GALNTL6: variants seen among roughly 807,000 people sequenced by gnomAD.
The protein encoded by GALNTL6 is polypeptide N-acetylgalactosaminyltransferase like 6, also known as polypeptide N-acetylgalactosaminyltransferase-like 6.
In GALNTL6, 46 loss-of-function variants were observed where a neutral mutation model predicts 73.7. The ratio of observed to expected loss-of-function variants is 0.62; its 90% CI spans 0.49 to 0.80. GALNTL6 has a LOEUF of 0.80. Among genes scored for constraint, GALNTL6 ranks in the 30% least tolerant of loss-of-function variants. The pLI, the probability that GALNTL6 is intolerant of heterozygous loss-of-function variation, is 0.00. For missense variants in GALNTL6, 604 were observed against 755.0 expected, an observed-to-expected ratio of 0.80 and a Z score of 2.34; for synonymous variants, 259 against 263.7, an observed-to-expected ratio of 0.98 and a Z score of 0.17.
Position 171,997,050 on chromosome 4 carries a change from A to G in GALNTL6, c.138+182332A>G, listed in dbSNP as rs781045877. ...AATTGGGGCAGGCAACAGAAAGAAC[A>G]TTGTATTTGTCTGCAGAATACTCTT... is the stretch of plus-strand genomic sequence containing the variant. On this transcript the variant is annotated intron_variant, in intron 2 of 12. Transcript: ENST00000506823. Among the ~76,000 whole-genome samples, 11 of 152,234 alleles carry G rather than the reference A, an allele frequency of 7.2e-5. No homozygotes were observed. The South Asian group carries it at 2.3e-3, about 32-fold the overall frequency.
chr4:171,845,302 T>C (rs1291614821), intron 2 of GALNTL6, among the ~76,000 whole-genome samples: 1 of 152,188 alleles, frequency 6.6e-6, no homozygotes, highest in East Asian at 1.9e-4. Flanking sequence ...TAATAACTTC[T>C]AGATCAAAGT....
chr4:172,875,814 C>G (rs1317291862), intron 7 of GALNTL6, among the ~76,000 whole-genome samples: 1 of 151,422 alleles, frequency 6.6e-6, no homozygotes, highest in East Asian at 1.9e-4. Context: ...AACAGAGGGA[C>G]AAAGCATCTT....
In GALNTL6 at chr4:172,650,023, G is replaced by A. The variant is rs575499528; in HGVS notation, c.554-159338G>A. Reference sequence around the variant, plus strand: ...ATCCTAGGTACAGAGGTATTCAGCAGAAGAAAGCTTATGGTAGAAATATCC... The same window carrying A: ...ATCCTAGGTACAGAGGTATTCAGCAAAAGAAAGCTTATGGTAGAAATATCC... On this transcript the variant is annotated intron_variant, in intron 5 of 12. Transcript: ENST00000506823. 2.7e-4 allele frequency among the ~76,000 whole-genome samples: 41 copies of A among 152,302 alleles called. No homozygotes were observed. In the Middle Eastern group the frequency reaches 0.01, roughly 38 times the overall value.
intron 3 of GALNTL6, among the ~76,000 whole-genome samples, chr4:172,269,085 C>T (rs1738548762): frequency 6.6e-6 from 1 of 152,000 alleles, no homozygotes; most frequent in African/African-American, 2.4e-5. Flanking sequence ...CCGCCATGGC[C>T]AGACTTGTTA....
intron 2 of GALNTL6, among the ~76,000 whole-genome samples, chr4:171,826,477 A>T (rs1303100395): frequency 1.3e-5 from 2 of 152,114 alleles, no homozygotes; most frequent in Non-Finnish European, 2.9e-5. Context: ...CTCTCAAAAC[A>T]TCCCTCACAA....
chr4:172,444,405 C>T (rs977121129), intron 5 of GALNTL6, among the ~76,000 whole-genome samples: 17 of 152,054 alleles, frequency 1.1e-4, no homozygotes, highest in African/African-American at 3.6e-4. Flanking sequence ...AAGGTAGGCC[C>T]GTGACTGTGG....
At chr4:172,648,880 A>C (rs1740357938) in intron 5 of GALNTL6, among the ~76,000 whole-genome samples, 1 of 152,270 alleles carries the variant, frequency 6.6e-6, no homozygotes, top group African/African-American at 2.4e-5. Context: ...CCAAAATCTT[A>C]ACTTTTTTCC....
chr4:171,951,390 GT>G (rs1738872671), intron 2 of GALNTL6, among the ~76,000 whole-genome samples: 1 of 151,884 alleles, frequency 6.6e-6, no homozygotes, highest in Admixed American at 6.6e-5. Flanking sequence ...ATGATAAAAT[GT>G]TTTCAATTAT....
chr4:171,968,459 T>G (rs1227434269), intron 2 of GALNTL6, among the ~76,000 whole-genome samples: 4 of 152,208 alleles, frequency 2.6e-5, no homozygotes, highest in African/African-American at 9.6e-5. Flanking sequence ...GTGCTTCTTC[T>G]CTATGTTTGT....
At chr4:172,415,987 A>G (rs1414324650) in intron 5 of GALNTL6, among the ~76,000 whole-genome samples, 3 of 152,100 alleles carry the variant, frequency 2.0e-5, no homozygotes, top group African/African-American at 7.2e-5. Flanking sequence ...TCTTTTCTTT[A>G]ACTCCTACTT....
At chr4:172,957,932 G>A (rs1326494594) in intron 10 of GALNTL6, among the ~76,000 whole-genome samples, 1 of 152,140 alleles carries the variant, frequency 6.6e-6, no homozygotes, top group Non-Finnish European at 1.5e-5. Context: ...TCTGTTCAGG[G>A]TGAGGAACAT....
chr4:172,166,977 C>G (rs887754860), intron 2 of GALNTL6, among the ~76,000 whole-genome samples: 17 of 152,302 alleles, frequency 1.1e-4, no homozygotes, highest in Admixed American at 4.6e-4. Flanking sequence ...GGAATCAGAA[C>G]TCCTGGGTTC....
chr4:172,196,412 T>C lies in GALNTL6; in HGVS notation c.139-33244T>C, dbSNP rs1203013835. ...TTTCTTCTGAAGCTATTGCAAATAA[T>C]TGATTAGGAGGGACTCCTCCCTAAT... On this transcript the variant is annotated intron_variant, in intron 2 of 12. Coordinates refer to ENST00000506823, the MANE Select transcript of GALNTL6 (RefSeq NM_001034845.3). Among the ~76,000 whole-genome samples, 6 of 152,154 alleles carry C rather than the reference T, an allele frequency of 3.9e-5. No individual in the cohort carries two copies. The East Asian group carries it at 9.6e-4, about 24-fold the overall frequency.
intron 2 of GALNTL6, among the ~76,000 whole-genome samples, chr4:172,212,180 T>C (rs1378702406): frequency 6.6e-6 from 1 of 152,076 alleles, no homozygotes; most frequent in African/African-American, 2.4e-5. Context: ...TTTTTTTCTT[T>C]TGACCAAGAC....
intron 5 of GALNTL6, among the ~76,000 whole-genome samples, chr4:172,726,105 C>T (rs1735782096): frequency 8.5e-6 from 1 of 117,066 alleles, no homozygotes; most frequent in Non-Finnish European, 1.8e-5. Flanking sequence ...ATATTCTGCT[C>T]TGCCAGTCCC....
At chr4:172,459,396 T>C (rs1402703843) in intron 5 of GALNTL6, among the ~76,000 whole-genome samples, 2 of 152,184 alleles carry the variant, frequency 1.3e-5, no homozygotes, top group African/African-American at 2.4e-5. Flanking sequence ...ATAAAGCGTA[T>C]TCAAATAGGA....
chr4:172,096,084 C>CGGTGTGTGTGTG (rs1553992000), intron 2 of GALNTL6, among the ~76,000 whole-genome samples: 70 of 147,188 alleles, frequency 4.8e-4, no homozygotes, highest in African/African-American at 1.5e-3. Context: ...CTCTCTCTTT[C>CGGTGTGTGTGTG]TGTGTGTGTG....
intron 10 of GALNTL6, among the ~76,000 whole-genome samples, chr4:173,000,200 T>G (rs1013416997): frequency 2.0e-5 from 3 of 152,154 alleles, no homozygotes; most frequent in Non-Finnish European, 4.4e-5. Context: ...GGAAAAAAAC[T>G]GAGGCAAAAA....
intron 5 of GALNTL6, among the ~76,000 whole-genome samples, chr4:172,478,014 G>A (rs1309762604): frequency 6.6e-6 from 1 of 152,160 alleles, no homozygotes; most frequent in Admixed American, 6.5e-5. Context: ...TGCCTGTTGG[G>A]TAGAGGCACT....
Sources: allele counts gnomAD v4.1 joint callset (sites outside exome capture counted in the v4.1 genomes callset), GRCh38; gene constraint gnomAD v4.1.1; transcripts MANE v1.5; gene names NCBI Gene and HGNC (gene_info 2026-07-23, HGNC 2026-07-21).